GABRG3: variants seen among roughly 807,000 people sequenced by gnomAD.
The protein encoded by GABRG3 is gamma-aminobutyric acid receptor subunit gamma-3.
Under a neutral mutation model 48.8 loss-of-function variants are expected in GABRG3, and 25 were observed. That is an observed-to-expected ratio of 0.51 (90% CI 0.37 to 0.72). GABRG3 has a LOEUF of 0.72. GABRG3 is among the 30% of genes least tolerant of loss of function. GABRG3 has a pLI of 0.00. For missense variants in GABRG3, 394 were observed against 577.9 expected, an observed-to-expected ratio of 0.68 and a Z score of 3.26; for synonymous variants, 227 against 217.6, an observed-to-expected ratio of 1.04 and a Z score of -0.38.
chr15:27,333,304 T>G (rs1171165425), intron 5 of GABRG3, among the ~76,000 whole-genome samples: 1 of 152,218 alleles, frequency 6.6e-6, no homozygotes, highest in African/African-American at 2.4e-5. Context: ...AAATCTGAAC[T>G]GGGCTAAAAT....
chr15:27,406,033 T>C (rs1487082758), intron 5 of GABRG3, among the ~76,000 whole-genome samples: 1 of 152,134 alleles, frequency 6.6e-6, no homozygotes, highest in Non-Finnish European at 1.5e-5. Flanking sequence ...GGTGTGCACC[T>C]GTAATCCCAG....
chr15:27,065,102 G>A (rs1896715120), intron 3 of GABRG3, among the ~76,000 whole-genome samples: 1 of 152,132 alleles, frequency 6.6e-6, no homozygotes, highest in African/African-American at 2.4e-5. Flanking sequence ...CTTGGCAGCT[G>A]GTGACTAGTC....
chr15:27,388,469 G>C (rs1352373513), intron 5 of GABRG3, among the ~76,000 whole-genome samples: 12 of 152,100 alleles, frequency 7.9e-5, no homozygotes, highest in Non-Finnish European at 1.5e-5. Flanking sequence ...ATTGCTGTTG[G>C]ATTTGCAGCA....
At chr15:27,041,962 G>A (rs929199710) in intron 3 of GABRG3, among the ~76,000 whole-genome samples, 1 of 152,114 alleles carries the variant, frequency 6.6e-6, no homozygotes, top group Non-Finnish European at 1.5e-5. Flanking sequence ...AGGAAGGGTG[G>A]CATCCTTCCA....
chr15:27,517,203 G>A lies in GABRG3; in HGVS notation c.713-2769G>A, dbSNP rs1021114629. On this transcript the variant is annotated intron_variant, in intron 6 of 9. Transcript: ENST00000615808. ...GACTTTGTCTGAGGCTGCCTCCTCC[G>A]TCATTGCCAGTATCATGCACACCTC... Among the ~76,000 whole-genome samples, 5 of 151,166 alleles carry A rather than the reference G, an allele frequency of 3.3e-5. No individual in the cohort carries two copies. In the East Asian group the frequency reaches 5.9e-4, roughly 18 times the overall value.
intron 3 of GABRG3, among the ~76,000 whole-genome samples, chr15:27,127,285 C>A (rs1379229656): frequency 6.6e-6 from 1 of 152,082 alleles, no homozygotes; most frequent in East Asian, 1.9e-4. Context: ...AAAGGAAATT[C>A]TTACATGTGC....
At chr15:27,093,628 T>G (rs978252012) in intron 3 of GABRG3, among the ~76,000 whole-genome samples, 1 of 152,126 alleles carries the variant, frequency 6.6e-6, no homozygotes, top group Non-Finnish European at 1.5e-5. Flanking sequence ...AGAAAGGCCC[T>G]TAAAATTTTT....
chr15:27,445,093 G>A (rs969281479), intron 5 of GABRG3, among the ~76,000 whole-genome samples: 4 of 152,046 alleles, frequency 2.6e-5, no homozygotes, highest in South Asian at 2.1e-4. Flanking sequence ...GGCTGGTCTC[G>A]AACTCCTGAC....
chr15:27,088,703 C>G (rs1897131471), intron 3 of GABRG3, among the ~76,000 whole-genome samples: 1 of 152,116 alleles, frequency 6.6e-6, no homozygotes, highest in South Asian at 2.1e-4. Flanking sequence ...ACAACCAGAG[C>G]TCCTGAGAAC....
intron 3 of GABRG3, among the ~76,000 whole-genome samples, chr15:27,030,846 G>A (rs1423091706): frequency 1.3e-5 from 2 of 152,064 alleles, no homozygotes; most frequent in Non-Finnish European, 2.9e-5. Context: ...TGGCAACAAA[G>A]CCCTGGCTTT....
intron 2 of GABRG3, among the ~76,000 whole-genome samples, chr15:27,025,602 T>C (rs1294155169): frequency 6.6e-6 from 1 of 152,214 alleles, no homozygotes; most frequent in African/African-American, 2.4e-5. Flanking sequence ...ATTGTTTTCA[T>C]TACGTGAAGG....
intron 3 of GABRG3, 49 bp downstream of exon 3, chr15:27,026,870 TG>T: frequency 7.8e-7 from 1 of 1,276,098 alleles, no homozygotes; most frequent in Non-Finnish European, 1.1e-6. Context: ...CACCTCTTCT[TG>T]TTACATTCTC....
At chr15:27,471,740 T>C (rs1889793440) in intron 5 of GABRG3, among the ~76,000 whole-genome samples, 1 of 152,212 alleles carries the variant, frequency 6.6e-6, no homozygotes, top group Non-Finnish European at 1.5e-5. Flanking sequence ...CCACTGATCA[T>C]AAACACCTTC....
intron 3 of GABRG3, among the ~76,000 whole-genome samples, chr15:27,255,746 A>T (rs1024398559): frequency 6.6e-6 from 1 of 152,124 alleles, no homozygotes; most frequent in South Asian, 2.1e-4. Flanking sequence ...GGAGCAGGGG[A>T]TGATACATCT....
chr15:27,308,802 A>G (rs1211855936), intron 3 of GABRG3, among the ~76,000 whole-genome samples: 2 of 150,198 alleles, frequency 1.3e-5, no homozygotes, highest in Non-Finnish European at 1.5e-5. Flanking sequence ...ACATACGTTT[A>G]TATAAAAACA....
chr15:27,129,211 C>T (rs1296092291), intron 3 of GABRG3, among the ~76,000 whole-genome samples: 2 of 152,116 alleles, frequency 1.3e-5, no homozygotes, highest in African/African-American at 4.8e-5. Context: ...CAGTGACTCC[C>T]CAGTCCTTGC....
chr15:27,446,312 C>A (rs1258601547), intron 5 of GABRG3, among the ~76,000 whole-genome samples: 2 of 152,118 alleles, frequency 1.3e-5, no homozygotes, highest in African/African-American at 4.8e-5. Context: ...TCTTTAATTT[C>A]TTTAAAATAT....
intron 5 of GABRG3, among the ~76,000 whole-genome samples, chr15:27,470,744 C>CT (rs1889763124): frequency 6.6e-6 from 1 of 151,782 alleles, no homozygotes; most frequent in Non-Finnish European, 1.5e-5. Context: ...TTATAGGGTA[C>CT]TTTTTTGCCA....
At chr15:27,019,282 G>T (rs1895842502) in intron 2 of GABRG3, among the ~76,000 whole-genome samples, 2 of 151,898 alleles carry the variant, frequency 1.3e-5, no homozygotes, top group Non-Finnish European at 2.9e-5. Flanking sequence ...ATGTTAGCCA[G>T]GATGGTCTCA....
Sources: allele counts gnomAD v4.1 joint callset (sites outside exome capture counted in the v4.1 genomes callset), GRCh38; gene constraint gnomAD v4.1.1; transcripts MANE v1.5; gene names NCBI Gene and HGNC (gene_info 2026-07-23, HGNC 2026-07-21).